The following PTPRN2 variants were observed in gnomAD, a reference collection of about 807,000 sequenced individuals.
The protein encoded by PTPRN2 is protein tyrosine phosphatase receptor type N2.
In PTPRN2, 74 loss-of-function variants were observed where a neutral mutation model predicts 118.8. That is an observed-to-expected ratio of 0.62 (90% confidence interval 0.52 to 0.76). The LOEUF (loss-of-function observed/expected upper bound fraction) is 0.76. Ranked by LOEUF, PTPRN2 falls within the 30% of genes least tolerant of loss-of-function variation. The pLI is 0.00. For missense variants in PTPRN2, 1,481 were observed against 1,394.4 expected (o/e 1.06, Z -0.99); for synonymous variants, 641 against 608.0 (o/e 1.05, Z -0.80).
At chr7:157,771,953 C>T in intron 12 of PTPRN2, among the ~76,000 whole-genome samples, 1 of 134,540 alleles carries the variant, frequency 7.4e-6, no homozygotes, top group Non-Finnish European at 1.5e-5. Context: ...CAAAGACACA[C>T]ATACAGACAG....
At chr7:158,275,317 G>A (rs953050915) in intron 3 of PTPRN2, among the ~76,000 whole-genome samples, 3 of 152,172 alleles carry the variant, frequency 2.0e-5, no homozygotes, top group Non-Finnish European at 2.9e-5. Flanking sequence ...CCATGGGAAG[G>A]CGCGCACCTC....
chr7:157,682,753 G>A lies in PTPRN2; in HGVS notation c.1973C>T (p.Pro658Leu). 6.2e-7 allele frequency: 1 copy of A among 1,613,928 alleles called. No homozygotes were observed. The highest frequency in any genetic ancestry group is 1.6e-4 in the Middle Eastern group (1 of 6,062). Residue 658 changes from proline (P) to leucine (L), a missense_variant, in exon 13 of 23, where the codon CCA (proline) becomes CTA (leucine). Transcript: ENST00000389418. ...GTAGGCGGCAGTGGCATCTGCACCT[G>A]GGTCGCCCCCTAGTCCCGAGAGCTT... Reference protein sequence around the residue: ...KEKLSGLGGDPGADATAAYQE... With the variant: ...KEKLSGLGGDLGADATAAYQE...
chr7:158,016,810 G>C (rs1806495668), intron 11 of PTPRN2, among the ~76,000 whole-genome samples: 1 of 152,168 alleles, frequency 6.6e-6, no homozygotes, highest in Admixed American at 6.5e-5. Flanking sequence ...ACACCATGCG[G>C]CAGGAATAAA....
intron 2 of PTPRN2, among the ~76,000 whole-genome samples, chr7:158,383,221 A>AT (rs1365085320): frequency 6.6e-6 from 1 of 152,222 alleles, no homozygotes; most frequent in Non-Finnish European, 1.5e-5. Context: ...TTGAAGAACT[A>AT]TTTTGAAGAA....
Position 157,576,773 on chromosome 7 carries a change from G to C in PTPRN2, c.2623C>G (p.Leu875Val), listed in dbSNP as rs1438908380. ...SNLYHIYEVN[L>V]VSEHIWCEDF... ...TCACACCAGATGTGCTCGGAGACCA[G>C]GTTCACCTGGCAGGGAGGAGCGGAG... is the stretch of plus-strand genomic sequence containing the variant. Residue 875 changes from leucine (L) to valine (V), a missense_variant, in exon 19 of 23, where the codon CTG becomes GTG. By Grantham distance (32) the Leu-to-Val change is conservative. Transcript: ENST00000389418. The C allele has an allele frequency of 6.2e-7, 1 of 1,601,182 alleles. No individual in the cohort carries two copies. Among genetic ancestry groups the C allele is most frequent in the South Asian group, 1.1e-5 (1 of 88,898 alleles).
At chr7:157,951,857 G>T (rs1435170111) in intron 11 of PTPRN2, among the ~76,000 whole-genome samples, 1 of 152,214 alleles carries the variant, frequency 6.6e-6, no homozygotes, top group Non-Finnish European at 1.5e-5. Flanking sequence ...AGTCAGCCAT[G>T]GTTGGCAGGG....
intron 10 of PTPRN2, among the ~76,000 whole-genome samples, chr7:158,096,684 G>GT (rs1490037907): frequency 6.6e-6 from 1 of 152,232 alleles, no homozygotes; most frequent in Non-Finnish European, 1.5e-5. Flanking sequence ...ACAGGGCACT[G>GT]AAGACGAAGC....
At chr7:158,271,662 A>G (rs907609788) in intron 3 of PTPRN2, among the ~76,000 whole-genome samples, 1 of 152,190 alleles carries the variant, frequency 6.6e-6, no homozygotes, top group Non-Finnish European at 1.5e-5. Flanking sequence ...AAAATACCAT[A>G]GCTTGGGTAA....
rs1370574396 is a variant in PTPRN2 at position 157,881,145 on chromosome 7, T to A, written c.1788+17528A>T. Among the ~76,000 whole-genome samples, 1 of 151,876 alleles carries A rather than the reference T, an allele frequency of 6.6e-6. No homozygotes were observed. The highest frequency in any genetic ancestry group is 1.5e-5 in the Non-Finnish European group (1 of 67,974). ...GATAAAATGAAGTCATGAGGGTATG[T>A]GGAGATGGAGGTGTTTACAGGAATC... On this transcript the variant is annotated intron_variant, in intron 12 of 22. Coordinates refer to ENST00000389418, the MANE Select transcript of PTPRN2 (RefSeq NM_002847.5). The surrounding 1 kb of genome is among the most constrained non-coding windows in gnomAD (Gnocchi z 4.7).
intron 14 of PTPRN2, among the ~76,000 whole-genome samples, chr7:157,631,118 T>C (rs1803913218): frequency 6.6e-6 from 1 of 152,118 alleles, no homozygotes; most frequent in South Asian, 2.1e-4. Flanking sequence ...TTGAAAACTG[T>C]TCTCCCTGCG....
rs1015453923 is a variant in PTPRN2, at chr7:157,874,543, C to T, written c.1788+24130G>A. Among the ~76,000 whole-genome samples the T allele has an allele frequency of 6.6e-6, 1 of 152,202 alleles. No homozygotes were observed. The highest frequency in any genetic ancestry group is 2.4e-5 in the African/African-American group (1 of 41,448). ...TCGAGCTTTTATTTCAGTGAAGCTT[C>T]GGGGTCACCTGCACGGCCTCTCGTG... On this transcript the variant is annotated intron_variant, in intron 12 of 22. Coordinates refer to ENST00000389418, the MANE Select transcript of PTPRN2 (RefSeq NM_002847.5). This position sits in a 1 kb window ranked among gnomAD's most constrained non-coding sequence, Gnocchi z 5.8.
At chr7:158,100,972 C>T (rs571204699) in intron 10 of PTPRN2, among the ~76,000 whole-genome samples, 1 of 152,202 alleles carries the variant, frequency 6.6e-6, no homozygotes, top group Non-Finnish European at 1.5e-5. Flanking sequence ...AAATTCAATC[C>T]AATCCCCATC....
intron 2 of PTPRN2, among the ~76,000 whole-genome samples, chr7:158,389,920 G>A (rs952501856): frequency 1.3e-5 from 2 of 152,240 alleles, no homozygotes; most frequent in African/African-American, 2.4e-5. Flanking sequence ...CCCAAGACGC[G>A]TGGTGAGGCA....
intron 12 of PTPRN2, among the ~76,000 whole-genome samples, chr7:157,717,146 A>C (rs1041606713): frequency 1.3e-5 from 2 of 152,276 alleles, no homozygotes; most frequent in Non-Finnish European, 2.9e-5. Flanking sequence ...ACAGACACAA[A>C]GATGGTCATT....
chr7:158,382,538 G>A (rs1018134761), intron 2 of PTPRN2, among the ~76,000 whole-genome samples: 7 of 152,232 alleles, frequency 4.6e-5, no homozygotes, highest in South Asian at 4.1e-4. Flanking sequence ...CCAACCCCCG[G>A]GCCATGAACC....
At chr7:158,351,539 G>A (rs1037174187) in intron 2 of PTPRN2, among the ~76,000 whole-genome samples, 4 of 152,084 alleles carry the variant, frequency 2.6e-5, no homozygotes, top group Non-Finnish European at 4.4e-5. Flanking sequence ...AAAACATTAC[G>A]GGCACTTTAG....
chr7:157,626,174 C>T (rs990143380), intron 14 of PTPRN2, among the ~76,000 whole-genome samples: 3 of 152,266 alleles, frequency 2.0e-5, no homozygotes, highest in African/African-American at 4.8e-5. Flanking sequence ...TCTCCTGGCC[C>T]GTCACTGCAG....
Position 158,586,878 on chromosome 7 carries a change from T to C in PTPRN2, c.112+680A>G, listed in dbSNP as rs149260110. ...CCCACGCCGGACCAGGGCCGCGCGC[T>C]CCAGGGCCAGGGGAGTGCCGAGTGG... On this transcript the variant is annotated intron_variant, in intron 1 of 22. Transcript: ENST00000389418. 7.6e-3 allele frequency among the ~76,000 whole-genome samples: 1,155 copies of C among 151,876 alleles called. 7 individuals carry two copies. Among genetic ancestry groups the C allele is most frequent in the Middle Eastern group, 0.034 (10 of 292 alleles).
At chr7:158,286,466 C>T (rs1260399613) in intron 3 of PTPRN2, among the ~76,000 whole-genome samples, 4 of 152,112 alleles carry the variant, frequency 2.6e-5, no homozygotes, top group Admixed American at 6.5e-5. Flanking sequence ...TTCACCATTG[C>T]GTATGATGTT....
Sources: gnomAD v4.1 joint callset for allele counts (sites outside exome capture counted in the v4.1 genomes callset) on GRCh38, gnomAD v4.1.1 for gene constraint, Gnocchi (gnomAD v3.1) non-coding constraint, MANE v1.5 for transcripts, NCBI Gene and HGNC (gene_info 2026-07-23, HGNC 2026-07-21) for gene names.